ITGA10: variants seen among roughly 807,000 people sequenced by gnomAD.
ITGA10 encodes integrin subunit alpha 10.
A neutral mutation model predicts 145.2 loss-of-function variants in ITGA10; 105 were observed. The observed-to-expected ratio is 0.72, with a 90% confidence interval of 0.62 to 0.85. The LOEUF (loss-of-function observed/expected upper bound fraction) is 0.85. ITGA10 is among the 40% of genes least tolerant of loss of function. The probability of loss-of-function intolerance (pLI) is 0.00; values close to 1 mark genes in which losing one functional copy is unlikely to be tolerated. For synonymous variants in ITGA10, 506 were observed against 557.8 expected (o/e 0.91, Z 1.31); for missense variants, 1,317 against 1,444.5 (o/e 0.91, Z 1.43).
At chr1:145,909,552 TTATATG>T (rs1184886334) in intron 1 of ITGA10, among the ~76,000 whole-genome samples, 1 of 133,928 alleles carries the variant, frequency 7.5e-6, no homozygotes, top group Non-Finnish European at 1.5e-5. Flanking sequence ...ATGTTATATA[TTATATG>T]TATATTATAT....
In ITGA10 at chr1:145,902,302, C is replaced by T. The variant is rs1468862412; in HGVS notation, c.1093G>A (p.Glu365Lys). The stretch of plus-strand genomic sequence containing the variant: ...GACATTTCCAGCCCAAAGGAGCTTT[C>T]GTTTTCTGCATGGGACCCTTGGTCA... ...FGLEGSHAEN[E>K]SSFGLEMSQI... The change falls in exon 10 of 30, where the codon GAA becomes AAA. Residue 365 changes from glutamate to lysine, a missense_variant. Glu to Lys is a moderately conservative substitution (Grantham distance 56). Coordinates refer to ENST00000369304, the MANE Select transcript of ITGA10 (RefSeq NM_003637.5). The T allele has an allele frequency of 2.5e-6, 4 of 1,614,148 alleles. No homozygotes were observed. The highest frequency in any genetic ancestry group is 1.1e-5 in the South Asian group (1 of 91,078).
At chr1:145,900,588 G>A (rs587668644) in intron 14 of ITGA10, among the ~76,000 whole-genome samples, 55 of 152,166 alleles carry the variant, frequency 3.6e-4, no homozygotes, top group Admixed American at 2.0e-3. Flanking sequence ...TAATGCTCCC[G>A]TCAGTCCTGG....
chr1:145,894,692 C>T (rs1366406960), intron 27 of ITGA10, among the ~76,000 whole-genome samples: 4 of 152,216 alleles, frequency 2.6e-5, no homozygotes, highest in Admixed American at 6.5e-5. Context: ...CAGTTTCTCC[C>T]TGGCTTCAGA....
Position 145,895,281 on chromosome 1 carries a change from C to G in ITGA10, c.3227G>C (p.Arg1076Thr), listed in dbSNP as rs61757095. The change falls in exon 27 of 30, where the codon AGA becomes ACA. Residue 1076 changes from arginine (R) to threonine (T), a missense_variant and splice_region_variant. Physicochemically the swap from Arg to Thr is moderately conservative, Grantham distance 71. Transcript: ENST00000369304. ...LRLVHNEFFR[R>T]AKFKSLTVVS... is the part of the protein sequence containing the mutation. ...AGTACTAGAAAAGGAAAGGCTTACT[C>G]TTCGGAAAAATTCATTGTGAACCAG... 2,541 of 1,610,514 alleles carry G rather than the reference C, an allele frequency of 1.6e-3. 51 individuals are homozygous for G. The South Asian group carries it at 0.027, about 17-fold the overall frequency.
rs1373159141 is a variant in ITGA10, at chr1:145,909,627, ATATAT to A, written c.52+331_52+335del. Among the ~76,000 whole-genome samples the A allele has an allele frequency of 9.8e-4, 136 of 138,400 alleles. 1 individual carries two copies. The highest frequency in any genetic ancestry group is 1.6e-3 in the Non-Finnish European group (108 of 65,592). 90.8% of individuals were successfully genotyped at this position (138,400 alleles called of 152,430 possible). On this transcript the variant is annotated intron_variant, in intron 1 of 29. Transcript: ENST00000369304. Reference sequence around the variant, plus strand: ...ATTATATATAATATATAATTATGTTATATATTATATGTATATTATATATAATATAT... The same window carrying A: ...ATTATATATAATATATAATTATGTTATATATGTATATTATATATAATATAT...
rs1037842279 is a variant in ITGA10 at position 145,896,337 on chromosome 1, G to T, written c.2850C>A (p.His950Gln). 1 of 1,613,848 alleles carries T rather than the reference G, an allele frequency of 6.2e-7. No individual in the cohort carries two copies. The highest frequency in any genetic ancestry group is 1.3e-5 in the African/African-American group (1 of 75,032). Residue 950 changes from histidine to glutamine, a missense_variant, in exon 24 of 30, where the codon CAC becomes CAA. Coordinates refer to ENST00000369304, the MANE Select transcript of ITGA10 (RefSeq NM_003637.5). ...TCCCATATGGGTGAACCTCATAGCG[G>T]TGCAGGGTAGACTCACTGTGTGAAC... ...HLLFSSESTL[H>Q]RYEVHPYGTL...
intron 7 of ITGA10, 79 bp from the exon 8 acceptor site, chr1:145,903,040 C>T (rs1656601829): frequency 8.3e-6 from 8 of 958,282 alleles, no homozygotes; most frequent in South Asian, 5.5e-5. Flanking sequence ...CACACACACA[C>T]ACACACACAC....
In ITGA10 at chr1:145,901,771, C is replaced by A; in HGVS notation, c.1294+106G>T. On this transcript the variant is annotated intron_variant, in intron 11 of 29. Transcript: ENST00000369304. The surrounding 1 kb of genome is among the most constrained non-coding windows in gnomAD (Gnocchi z 4.3). The stretch of plus-strand genomic sequence containing the variant: ...GGTCCCAAGGGAAGTAACCAGAGGT[C>A]AGTGAGAAACCGCATGAGTTAAGAG... 3 of 1,552,588 alleles carry A rather than the reference C, an allele frequency of 1.9e-6. No individual in the cohort carries two copies. The highest frequency in any genetic ancestry group is 2.6e-6 in the Non-Finnish European group (3 of 1,143,634).
In ITGA10 at chr1:145,901,901, A is replaced by G. The variant is rs11590105; in HGVS notation, c.1270T>C (p.Leu424=). Reference sequence around the variant, plus strand: ...CCCAGGTAGGCTGCATGGTTCTGCAATGCAGGGGGGAACTCGTCTTCCAGT... The same window carrying G: ...CCCAGGTAGGCTGCATGGTTCTGCAGTGCAGGGGGGAACTCGTCTTCCAGT... ...MALEDEFPPA[L]QNHAAYLGYS... is the part of the protein sequence containing the mutation. The change falls in exon 11 of 30, where the codon TTG becomes CTG. Residue 424 remains leucine, a synonymous_variant. Transcript: ENST00000369304. The surrounding 1 kb of genome is among the most constrained non-coding windows in gnomAD (Gnocchi z 4.3). 0.33 allele frequency: 532,153 copies of G among 1,613,630 alleles called. 93,294 individuals carry two copies. Among genetic ancestry groups the G allele is most frequent in the Non-Finnish European group, 0.36 (427,499 of 1,179,720 alleles).
rs587656785 is a variant in ITGA10 at position 145,909,423 on chromosome 1, A to AATT, written c.52+537_52+539dup. 7.6e-3 allele frequency among the ~76,000 whole-genome samples: 1,052 copies of AATT among 138,960 alleles called. 38 individuals are homozygous for AATT. Among genetic ancestry groups the AATT allele is most frequent in the South Asian group, 0.037 (174 of 4,678 alleles). The allele number at this position is 138,960 out of a possible 152,430, so 91.2% of individuals were successfully genotyped here. A position where few individuals can be genotyped will look rare whatever the true frequency, so the allele number is the denominator to read the frequency against. ...GACCCTATCTTTAAAAAATAATAATAATTATTATATACAATATATAACTAT... is the reference window on the plus strand; with the variant it reads ...GACCCTATCTTTAAAAAATAATAATAATTATTATTATATACAATATATAACTAT... On this transcript the variant is annotated intron_variant, in intron 1 of 29. Coordinates refer to ENST00000369304, the MANE Select transcript of ITGA10 (RefSeq NM_003637.5).
Position 145,904,715 on chromosome 1 carries a change from C to T in ITGA10, c.578G>A (p.Gly193Glu), listed in dbSNP as rs782573494. 6.2e-7 allele frequency: 1 copy of T among 1,613,932 alleles called. No individual in the cohort carries two copies. The highest frequency in any genetic ancestry group is 8.5e-7 in the Non-Finnish European group (1 of 1,179,900). Residue 193 changes from glycine to glutamate, a missense_variant, in exon 6 of 30, where the codon GGG becomes GAG. Coordinates refer to ENST00000369304, the MANE Select transcript of ITGA10 (RefSeq NM_003637.5). ...EVQTFLRRLV[G>E]KLFIDPEQIQ... Reference sequence around the variant, plus strand: ...CTGTTCTGGGTCAATAAACAGTTTCCCTACCAGTCTTCGTAGGAAGGTCTG... The same window carrying T: ...CTGTTCTGGGTCAATAAACAGTTTCTCTACCAGTCTTCGTAGGAAGGTCTG...
chr1:145,903,712 G>GT (rs1190479530), intron 7 of ITGA10, among the ~76,000 whole-genome samples: 1 of 150,442 alleles, frequency 6.6e-6, no homozygotes, highest in African/African-American at 2.5e-5. Context: ...TTTAGATGGA[G>GT]TTTTGCTCTC....
At chr1:145,902,426 C>T in intron 9 of ITGA10, 28 bp downstream of exon 9, 1 of 1,609,660 alleles carries the variant, frequency 6.2e-7, no homozygotes, top group South Asian at 1.1e-5. Context: ...TTCTCCCGCC[C>T]TGTCCATTTC....
At position 145,892,729 on chromosome 1, in the gene ITGA10, A is replaced by G. The variant is rs1213692160; in HGVS notation, c.*69T>C. ...GCTTCTTGTCCCATCTGAGCCCCCA[A>G]ACCTCTGCTTTTATGCAAGTCTCTT... is the stretch of plus-strand genomic sequence containing the variant. On this transcript the variant is annotated 3_prime_UTR_variant, in exon 30 of 30. Transcript: ENST00000369304. 2.4e-6 allele frequency: 3 copies of G among 1,256,624 alleles called. No homozygotes were observed. Among genetic ancestry groups the G allele is most frequent in the East Asian group, 4.6e-5 (2 of 43,264 alleles). The allele number at this position is 1,256,624 out of a possible 1,614,324, so 77.8% of individuals were successfully genotyped here.
At position 145,901,511 on chromosome 1, in the gene ITGA10, C is replaced by T; in HGVS notation, c.1443+5G>A. On this transcript the variant is annotated splice_donor_5th_base_variant and intron_variant, in intron 12 of 29. Transcript: ENST00000369304. The surrounding 1 kb of genome is among the most constrained non-coding windows in gnomAD (Gnocchi z 4.3). ...AAAGGTCCCACCCTTCCTTGGATGCCCTACCTGCTCCCCCTGGAGGCTCTG... is the reference window on the plus strand; with the variant it reads ...AAAGGTCCCACCCTTCCTTGGATGCTCTACCTGCTCCCCCTGGAGGCTCTG... 6.4e-7 allele frequency: 1 copy of T among 1,556,696 alleles called. No homozygotes were observed. The highest frequency in any genetic ancestry group is 2.0e-5 in the Admixed American group (1 of 49,106).
At chr1:145,899,117 T>C in intron 16 of ITGA10, 39 bp from the exon 17 acceptor site, 3 of 1,614,256 alleles carry the variant, frequency 1.9e-6, no homozygotes. Context: ...GAAAGGGGTC[T>C]AGTGAGGAAG....
intron 7 of ITGA10, 63 bp from the exon 8 acceptor site, chr1:145,903,024 TACACACACACACAC>T (rs55794832): frequency 5.5e-4 from 209 of 379,362 alleles, no homozygotes; most frequent in Non-Finnish European, 7.7e-4. Flanking sequence ...CACACACACA[TACACACACACACAC>T]ACACACACAC....
Position 145,904,803 on chromosome 1 carries a change from T to C in ITGA10, c.490A>G (p.Thr164Ala), listed in dbSNP as rs201690711. Reference sequence around the variant, plus strand: ...AAGACAATGACAACATCCATGTATGTTGGGCAGCCTAGAAGGAAGGAGAAC... The same window carrying C: ...AAGACAATGACAACATCCATGTATGCTGGGCAGCCTAGAAGGAAGGAGAAC... ...SLAPTAQRCP[T>A]YMDVVIVLDG... Residue 164 changes from threonine (T) to alanine (A), a missense_variant, in exon 6 of 30, where the codon ACA becomes GCA. Transcript: ENST00000369304. 42 of 1,613,794 alleles carry C rather than the reference T, an allele frequency of 2.6e-5. No individual in the cohort carries two copies. Among genetic ancestry groups the C allele is most frequent in the East Asian group, 1.6e-4 (7 of 44,874 alleles).
At chr1:145,900,243 C>A in intron 14 of ITGA10, 56 bp from the exon 15 acceptor site, 1 of 1,517,926 alleles carries the variant, frequency 6.6e-7, no homozygotes, top group Non-Finnish European at 8.9e-7. Context: ...GTTTCTCAGG[C>A]CTCCTGCCTT....
Sources: allele counts gnomAD v4.1 joint callset (sites outside exome capture counted in the v4.1 genomes callset), GRCh38; gene constraint gnomAD v4.1.1; non-coding constraint Gnocchi (gnomAD v3.1); transcripts MANE v1.5; gene names NCBI Gene and HGNC (gene_info 2026-07-23, HGNC 2026-07-21).